MYOF: variants seen among roughly 807,000 people sequenced by gnomAD.
The protein encoded by MYOF is myoferlin.
MYOF carries 244 observed loss-of-function variants against 284.2 expected under a neutral mutation model. The observed-to-expected ratio is 0.86, with a 90% CI of 0.77 to 0.95. The LOEUF (loss-of-function observed/expected upper bound fraction) is 0.95, where lower values mean the gene tolerates loss of function less well. MYOF is among the 40% of genes least tolerant of loss of function. MYOF has a pLI of 0.00. For missense variants in MYOF, 2,496 were observed against 2,560.6 expected (o/e 0.97, Z 0.54); for synonymous variants, 904 against 919.7 (o/e 0.98, Z 0.31).
At chr10:93,439,371 C>T (rs2056175060) in intron 3 of MYOF, among the ~76,000 whole-genome samples, 1 of 152,102 alleles carries the variant, frequency 6.6e-6, no homozygotes, top group African/African-American at 2.4e-5. Flanking sequence ...TTATTTTCAC[C>T]TGACCAATTC....
chr10:93,343,671 A>G (rs1208054049), intron 38 of MYOF, among the ~76,000 whole-genome samples, 185 bp downstream of exon 38: 1 of 152,236 alleles, frequency 6.6e-6, no homozygotes, highest in Non-Finnish European at 1.5e-5. Context: ...TAGTCTACAC[A>G]ATGTCATCAT....
At chr10:93,312,074 C>T (rs913330502) in intron 51 of MYOF, among the ~76,000 whole-genome samples, 1 of 152,132 alleles carries the variant, frequency 6.6e-6, no homozygotes, top group Admixed American at 6.6e-5. Flanking sequence ...TAAATGAATA[C>T]AGTTTATGTA....
At chr10:93,336,075 C>T in intron 40 of MYOF, 29 bp from the exon 41 acceptor site, 1 of 1,607,232 alleles carries the variant, frequency 6.2e-7, no homozygotes. Context: ...GTCTTAATTT[C>T]TCATTAAAAT....
intron 5 of MYOF, among the ~76,000 whole-genome samples, chr10:93,414,725 GTTTTGTGT>G (rs1564699580): frequency 6.6e-6 from 1 of 151,980 alleles, no homozygotes; most frequent in African/African-American, 2.4e-5. Flanking sequence ...GTTTTTTGTG[GTTTTGTGT>G]TTTTGTTTGT....
rs574808514 is a variant in MYOF at position 93,430,853 on chromosome 10, C to T, written c.345+555G>A. On this transcript the variant is annotated intron_variant, in intron 4 of 53. Coordinates refer to ENST00000359263, the MANE Select transcript of MYOF (RefSeq NM_013451.4). ...AAATAAGGTCCATGTCGTTTGCAAA[C>T]GGGCCCAGTTTTTTATTTAAAGCAC... 1.2e-4 allele frequency among the ~76,000 whole-genome samples: 18 copies of T among 152,114 alleles called. No individual in the cohort carries two copies. The South Asian group carries it at 3.1e-3, about 26-fold the overall frequency.
intron 41 of MYOF, among the ~76,000 whole-genome samples, chr10:93,335,298 T>C (rs1027093778): frequency 2.7e-5 from 4 of 149,884 alleles, no homozygotes; most frequent in African/African-American, 7.4e-5. Flanking sequence ...GAGGGTGGAG[T>C]GTGTGAGGGG....
intron 1 of MYOF, among the ~76,000 whole-genome samples, chr10:93,476,697 T>A (rs2057271938): frequency 6.6e-6 from 1 of 152,174 alleles, no homozygotes; most frequent in South Asian, 2.1e-4. Context: ...TACAGCCCCA[T>A]TTTTCAAAAG....
intron 36 of MYOF, among the ~76,000 whole-genome samples, chr10:93,348,818 G>A (rs1210868362): frequency 1.3e-5 from 2 of 152,086 alleles, no homozygotes; most frequent in Admixed American, 6.6e-5. Flanking sequence ...TGTTCACCCC[G>A]CAGGATTAAA....
chr10:93,327,214 C>T (rs1014198077), intron 45 of MYOF, among the ~76,000 whole-genome samples: 21 of 151,982 alleles, frequency 1.4e-4, no homozygotes, highest in African/African-American at 7.3e-5. Context: ...CAGCCCCAGC[C>T]GAGAGCCAAC....
intron 49 of MYOF, 77 bp downstream of exon 49, chr10:93,319,795 G>C: frequency 6.3e-7 from 1 of 1,587,742 alleles, no homozygotes; most frequent in South Asian, 1.1e-5. Context: ...ATCCTGAGCA[G>C]CTCCAGCATT....
intron 26 of MYOF, among the ~76,000 whole-genome samples, chr10:93,365,047 A>C (rs1414406946): frequency 6.6e-6 from 1 of 152,094 alleles, no homozygotes; most frequent in Non-Finnish European, 1.5e-5. Context: ...CCTTCCAGCC[A>C]ATTCAAACCC....
At chr10:93,334,500 G>T (rs1843506494) in intron 41 of MYOF, among the ~76,000 whole-genome samples, 1 of 152,138 alleles carries the variant, frequency 6.6e-6, no homozygotes, top group Non-Finnish European at 1.5e-5. Flanking sequence ...TCCTTCATTA[G>T]ACTGTGGGCT....
chr10:93,476,194 A>G (rs1043080733), intron 1 of MYOF, among the ~76,000 whole-genome samples: 2 of 151,624 alleles, frequency 1.3e-5, no homozygotes, highest in African/African-American at 4.8e-5. Context: ...GTGCCTGGAC[A>G]AACCACAGTG....
In MYOF at chr10:93,310,064, G is replaced by A. The variant is rs1249811364; in HGVS notation, c.6103C>T (p.Leu2035Phe). ...ACGGCCACGAAGAGCAGCAGGATAAGCAGGAACAGCAAGCCGATGATGACC... is the reference window on the plus strand; with the variant it reads ...ACGGCCACGAAGAGCAGCAGGATAAACAGGAACAGCAAGCCGATGATGACC... ...KWVIIGLLFL[L>F]ILLLFVAVLL... is the part of the protein sequence containing the mutation. The change falls in exon 53 of 54, where the codon CTT becomes TTT. Residue 2035 changes from leucine (L) to phenylalanine (F), a missense_variant. Coordinates refer to ENST00000359263, the MANE Select transcript of MYOF (RefSeq NM_013451.4). The A allele has an allele frequency of 1.2e-6, 2 of 1,614,008 alleles. No individual in the cohort carries two copies. Among genetic ancestry groups the A allele is most frequent in the African/African-American group, 2.7e-5 (2 of 74,918 alleles).
At chr10:93,376,824 A>T (rs1845859499) in intron 22 of MYOF, among the ~76,000 whole-genome samples, 1 of 152,232 alleles carries the variant, frequency 6.6e-6, no homozygotes, top group African/African-American at 2.4e-5. Flanking sequence ...TTTGCCTAAC[A>T]GAGGCTTGGC....
At position 93,313,033 on chromosome 10, in the gene MYOF, G is replaced by T. The variant is rs1842462440; in HGVS notation, c.5876C>A (p.Ala1959Asp). ...AAATGTTCATACAGCCATTACGCGG[G>T]CGCCATCTTTCTCTGCGTAGCATGG... ...WWPCYAEKDG[A>D]RVMAGKVEMT... The change falls in exon 51 of 54, where the codon GCC (alanine) becomes GAC (aspartate). Residue 1959 changes from alanine (A) to aspartate (D), a missense_variant. Physicochemically the swap from Ala to Asp is moderately radical, Grantham distance 126. This residue lies in a region of MYOF where 2,436 missense variants were observed against 2,480.7 expected (regional missense o/e 0.98). Coordinates refer to ENST00000359263, the MANE Select transcript of MYOF (RefSeq NM_013451.4). 6.2e-7 allele frequency: 1 copy of T among 1,609,944 alleles called. No homozygotes were observed.
intron 49 of MYOF, among the ~76,000 whole-genome samples, chr10:93,317,858 A>G (rs1180298748): frequency 2.0e-5 from 3 of 152,206 alleles, no homozygotes; most frequent in African/African-American, 7.2e-5. Context: ...CCAGTGTTTC[A>G]TGAATTTGAA....
At chr10:93,344,929 A>C (rs1055602667) in intron 37 of MYOF, among the ~76,000 whole-genome samples, 17 of 152,136 alleles carry the variant, frequency 1.1e-4, no homozygotes, top group African/African-American at 3.6e-4. Flanking sequence ...GGGTTAGAGC[A>C]TGGACTCAGG....
chr10:93,336,177 A>G (rs1589407402), intron 40 of MYOF, 131 bp from the exon 41 acceptor site: 1 of 987,676 alleles, frequency 1.0e-6, no homozygotes, highest in Non-Finnish European at 1.5e-6. Flanking sequence ...CGCTGGCGGG[A>G]GTGTAGACAG....
Sources: allele counts gnomAD v4.1 joint callset (sites outside exome capture counted in the v4.1 genomes callset), GRCh38; gene constraint gnomAD v4.1.1; regional missense constraint gnomAD v4.1.1; transcripts MANE v1.5; gene names NCBI Gene and HGNC (gene_info 2026-07-23, HGNC 2026-07-21).